Variants in CTNND2 observed in about 807,000 individuals in gnomAD.
The protein encoded by CTNND2 is catenin delta 2.
In CTNND2, 22 loss-of-function variants were observed where a neutral mutation model predicts 144.4. The observed-to-expected ratio is 0.15, with a 90% CI of 0.11 to 0.22. CTNND2 has a LOEUF of 0.22. CTNND2 is among the 10% of genes least tolerant of loss of function. CTNND2 has a pLI of 1.00. For synonymous variants in CTNND2, 751 were observed against 695.6 expected (o/e 1.08, Z -1.25); for missense variants, 1,353 against 1,618.8 (o/e 0.84, Z 2.82).
intron 1 of CTNND2, among the ~76,000 whole-genome samples, chr5:11,859,795 G>A (rs565492025): frequency 2.6e-5 from 4 of 152,098 alleles, no homozygotes; most frequent in African/African-American, 9.7e-5. Flanking sequence ...TTCATTAATG[G>A]GGTGAAATCA....
At chr5:11,654,650 G>A (rs74857143) in intron 2 of CTNND2, among the ~76,000 whole-genome samples, 1,833 of 150,584 alleles carry the variant, frequency 0.012, 11 homozygotes, top group East Asian at 0.055. Flanking sequence ...TTTTGGTGGC[G>A]TCTTTAGGGT....
chr5:11,849,855 G>T lies in CTNND2; in HGVS notation c.37+53962C>A, dbSNP rs188433451. 3.9e-5 allele frequency among the ~76,000 whole-genome samples: 6 copies of T among 152,226 alleles called. No individual in the cohort carries two copies. The East Asian group carries it at 1.2e-3, about 29-fold the overall frequency. ...AGTGGCACATTCTGCCCATGGCCAG[G>T]AACCCAGAATGGCTGAGTAGGAAAA... On this transcript the variant is annotated intron_variant, in intron 1 of 21. Coordinates refer to ENST00000304623, the MANE Select transcript of CTNND2 (RefSeq NM_001332.4).
intron 3 of CTNND2, among the ~76,000 whole-genome samples, chr5:11,470,566 A>T (rs1767093614): frequency 6.6e-6 from 1 of 152,312 alleles, no homozygotes; most frequent in South Asian, 2.1e-4. Context: ...ATGATCACTG[A>T]CTAAAGTCCT....
At chr5:11,678,811 A>G (rs1220535651) in intron 2 of CTNND2, among the ~76,000 whole-genome samples, 1 of 152,136 alleles carries the variant, frequency 6.6e-6, no homozygotes, top group Non-Finnish European at 1.5e-5. Flanking sequence ...CGGCCTATAT[A>G]CGTGAAAAAT....
intron 9 of CTNND2, among the ~76,000 whole-genome samples, chr5:11,311,250 A>C (rs1421433559): frequency 3.0e-5 from 4 of 135,008 alleles, no homozygotes; most frequent in Admixed American, 2.3e-4. Context: ...CCACACATAC[A>C]TAAACTCTCA....
intron 2 of CTNND2, among the ~76,000 whole-genome samples, chr5:11,645,843 CATCTAT>C (rs2126520090): frequency 6.6e-6 from 1 of 152,158 alleles, no homozygotes; most frequent in South Asian, 2.1e-4. Context: ...TAGGAAATTT[CATCTAT>C]ATTAATATTT....
intron 11 of CTNND2, among the ~76,000 whole-genome samples, chr5:11,169,728 C>T (rs909618114): frequency 2.6e-5 from 4 of 152,112 alleles, no homozygotes; most frequent in African/African-American, 9.7e-5. Context: ...TTGATGTCAA[C>T]ATAAGCGCGC....
chr5:11,360,862 G>GT (rs1355022038), intron 8 of CTNND2, among the ~76,000 whole-genome samples: 1 of 152,100 alleles, frequency 6.6e-6, no homozygotes, highest in Non-Finnish European at 1.5e-5. Context: ...AGCACACAGA[G>GT]TATCTTAAAC....
chr5:11,882,771 G>A (rs1736223051), intron 1 of CTNND2, among the ~76,000 whole-genome samples: 1 of 152,094 alleles, frequency 6.6e-6, no homozygotes, highest in Non-Finnish European at 1.5e-5. Flanking sequence ...TCTTGCTCAG[G>A]ATTGCTTTGG....
intron 10 of CTNND2, among the ~76,000 whole-genome samples, chr5:11,202,533 A>G (rs1189079084): frequency 6.6e-6 from 1 of 152,184 alleles, no homozygotes; most frequent in African/African-American, 2.4e-5. Context: ...TAAGAATGTG[A>G]GAACCCTACT....
At chr5:11,436,448 C>G (rs1763784104) in intron 3 of CTNND2, among the ~76,000 whole-genome samples, 1 of 152,178 alleles carries the variant, frequency 6.6e-6, no homozygotes, top group African/African-American at 2.4e-5. Flanking sequence ...AGAGAAAATA[C>G]AAGATTTTAT....
intron 5 of CTNND2, among the ~76,000 whole-genome samples, chr5:11,404,173 G>A (rs548209841): frequency 7.9e-5 from 12 of 152,236 alleles, no homozygotes; most frequent in Admixed American, 4.6e-4. Flanking sequence ...AAAAACATTC[G>A]TGTGAGAAAA....
At chr5:11,140,662 A>T (rs1447954767) in intron 12 of CTNND2, among the ~76,000 whole-genome samples, 1 of 152,198 alleles carries the variant, frequency 6.6e-6, no homozygotes, top group East Asian at 1.9e-4. Flanking sequence ...CCCCAGCTAC[A>T]AAACAGTTAC....
chr5:11,019,420 G>T (rs1741993398), intron 17 of CTNND2, among the ~76,000 whole-genome samples: 1 of 152,162 alleles, frequency 6.6e-6, no homozygotes, highest in Admixed American at 6.5e-5. Context: ...TAGTGTAGTT[G>T]AAATACAATT....
At chr5:11,162,253 ATACAGCTATTTTTACTGTTT>A (rs1029848240) in intron 11 of CTNND2, among the ~76,000 whole-genome samples, 1 of 152,190 alleles carries the variant, frequency 6.6e-6, no homozygotes, top group Non-Finnish European at 1.5e-5. Context: ...TTCTATGAGA[ATACAGCTATTTTTACTGTTT>A]TCTTACAAAC....
chr5:11,184,020 G>A (rs1735375346), intron 11 of CTNND2, among the ~76,000 whole-genome samples: 1 of 152,056 alleles, frequency 6.6e-6, no homozygotes, highest in Non-Finnish European at 1.5e-5. Flanking sequence ...CACTTAAAAG[G>A]CAAAGACTGA....
intron 3 of CTNND2, among the ~76,000 whole-genome samples, chr5:11,451,925 A>G (rs11133654): frequency 0.072 from 10,979 of 152,228 alleles, 427 homozygotes; most frequent in South Asian, 0.11. Context: ...ACCCAAATAA[A>G]CGCAGCTGGC....
At chr5:11,166,509 A>G (rs1013350550) in intron 11 of CTNND2, among the ~76,000 whole-genome samples, 2 of 151,566 alleles carry the variant, frequency 1.3e-5, no homozygotes. Context: ...TTGGCCTCCC[A>G]AAGTGCTGGG....
chr5:11,544,979 G>T (rs548239953), intron 3 of CTNND2, among the ~76,000 whole-genome samples: 1 of 152,000 alleles, frequency 6.6e-6, no homozygotes, highest in African/African-American at 2.4e-5. Context: ...AAAATTAGCC[G>T]GGTGTGATGA....
Sources: gnomAD v4.1 joint callset for allele counts (sites outside exome capture counted in the v4.1 genomes callset) on GRCh38, gnomAD v4.1.1 for gene constraint, MANE v1.5 for transcripts, NCBI Gene and HGNC (gene_info 2026-07-23, HGNC 2026-07-21) for gene names.